The following DNAH12 variants were observed in gnomAD, a reference collection of about 807,000 sequenced individuals.
The protein encoded by DNAH12 is axonemal beta dynein heavy chain 12.
Under a neutral mutation model 371.5 loss-of-function variants are expected in DNAH12, and 285 were observed. The observed-to-expected ratio is 0.77, with a 90% confidence interval of 0.70 to 0.85. DNAH12 has a LOEUF of 0.85. Ranked by LOEUF, DNAH12 falls within the 40% of genes least tolerant of loss-of-function variation. The probability of loss-of-function intolerance (pLI) is 0.00; values close to 1 mark genes in which losing one functional copy is unlikely to be tolerated. For synonymous variants in DNAH12, 1,200 were observed against 1,213.0 expected, an observed-to-expected ratio of 0.99 and a Z score of 0.22; for missense variants, 3,611 against 3,689.4, an observed-to-expected ratio of 0.98 and a Z score of 0.55.
At chr3:57,346,438 A>G (rs968425646) in intron 60 of DNAH12, among the ~76,000 whole-genome samples, 1 of 152,172 alleles carries the variant, frequency 6.6e-6, no homozygotes, top group South Asian at 2.1e-4. Context: ...AAGTTTTTTA[A>G]AAAAGTAAGT....
At chr3:57,302,640 A>T (rs1255921143) in intron 69 of DNAH12, among the ~76,000 whole-genome samples, 1 of 124,392 alleles carries the variant, frequency 8.0e-6, no homozygotes, top group East Asian at 2.7e-4. Flanking sequence ...CAGCGGCATG[A>T]TCTCGGCTCA....
At chr3:57,530,773 A>G (rs1438563836) in intron 2 of DNAH12, 2 of 227,200 alleles carry the variant, frequency 8.8e-6, no homozygotes, top group South Asian at 8.0e-5. Context: ...TTGGAGCCCC[A>G]GGAGAAATTC....
At chr3:57,551,932 CTT>C in the DNAH12 span, among the ~76,000 whole-genome samples, 8 of 139,982 alleles carry the variant, frequency 5.7e-5, no homozygotes, top group East Asian at 4.1e-4. Context: ...AGACATTTTA[CTT>C]TTTTTTTTTT....
At chr3:57,332,886 G>A (rs552615344) in intron 62 of DNAH12, among the ~76,000 whole-genome samples, 2 of 152,240 alleles carry the variant, frequency 1.3e-5, no homozygotes, top group African/African-American at 4.8e-5. Context: ...GGCCCCAGAC[G>A]GGTGGCACTT....
chr3:57,343,419 G>A (rs2062453339), intron 60 of DNAH12, among the ~76,000 whole-genome samples: 1 of 152,240 alleles, frequency 6.6e-6, no homozygotes, highest in Non-Finnish European at 1.5e-5. Context: ...TGCAGGACTT[G>A]CCTTGTTAAC....
chr3:57,500,808 T>C (rs562959560), intron 11 of DNAH12, among the ~76,000 whole-genome samples: 2 of 152,008 alleles, frequency 1.3e-5, no homozygotes, highest in African/African-American at 4.8e-5. Flanking sequence ...CCAGCTGGAG[T>C]ACAGTGGTGC....
intron 73 of DNAH12, among the ~76,000 whole-genome samples, chr3:57,294,746 A>T (rs2061198770): frequency 6.6e-6 from 1 of 152,202 alleles, no homozygotes; most frequent in South Asian, 2.1e-4. Flanking sequence ...TAAGAAAAAC[A>T]TGTCAACTCT....
chr3:57,470,373 A>AG, intron 16 of DNAH12, 70 bp downstream of exon 16: 1 of 1,420,178 alleles, frequency 7.0e-7, no homozygotes, highest in Non-Finnish European at 9.3e-7. Flanking sequence ...AACCAAAAAA[A>AG]AAATCAATTT....
Position 57,510,829 on chromosome 3 carries a change from C to A in DNAH12, c.430G>T (p.Val144Leu). 6.2e-7 allele frequency: 1 copy of A among 1,614,026 alleles called. No homozygotes were observed. The highest frequency in any genetic ancestry group is 8.5e-7 in the Non-Finnish European group (1 of 1,180,008). ...EELLESLINE[V>L]SSDFENSMKR... ...ATGCTGTTTTCAAAGTCACTTGACACCTCATTTATGAGACTTTCAAGAAGT... is the reference window on the plus strand; with the variant it reads ...ATGCTGTTTTCAAAGTCACTTGACAACTCATTTATGAGACTTTCAAGAAGT... Residue 144 changes from valine (V) to leucine (L), a missense_variant, in exon 5 of 74, where the codon GTG becomes TTG. By Grantham distance (32) the Val-to-Leu change is conservative. Coordinates refer to ENST00000495027, the MANE Select transcript of DNAH12 (RefSeq NM_001366028.2).
At chr3:57,338,670 C>T (rs1553654883) in intron 60 of DNAH12, among the ~76,000 whole-genome samples, 1 of 147,892 alleles carries the variant, frequency 6.8e-6, no homozygotes, top group Non-Finnish European at 1.5e-5. Flanking sequence ...CCCGGCCACC[C>T]CGTCTGGGAA....
chr3:57,505,044 C>T (rs1162189948), intron 8 of DNAH12, among the ~76,000 whole-genome samples: 4 of 152,070 alleles, frequency 2.6e-5, no homozygotes, highest in African/African-American at 7.2e-5. Context: ...CAAGCTACCA[C>T]GCCTGGCTAA....
At chr3:57,477,314 G>A (rs2066567381) in intron 13 of DNAH12, among the ~76,000 whole-genome samples, 1 of 152,130 alleles carries the variant, frequency 6.6e-6, no homozygotes. Flanking sequence ...CACCCACGGA[G>A]CCTCACTCAT....
chr3:57,416,420 T>C (rs1472879373), intron 37 of DNAH12, among the ~76,000 whole-genome samples: 1 of 152,218 alleles, frequency 6.6e-6, no homozygotes, highest in East Asian at 1.9e-4. Context: ...TAATAAACTA[T>C]TATTTGAATA....
At chr3:57,341,984 T>G (rs1318528483) in intron 60 of DNAH12, among the ~76,000 whole-genome samples, 6 of 152,170 alleles carry the variant, frequency 3.9e-5, no homozygotes, top group Admixed American at 3.9e-4. Context: ...CAACTGACTT[T>G]TGACAAAGAT....
intron 40 of DNAH12, among the ~76,000 whole-genome samples, 197 bp downstream of exon 40, chr3:57,408,083 T>C (rs1340989805): frequency 1.3e-5 from 2 of 152,236 alleles, no homozygotes. Context: ...CAAAATCATA[T>C]AGCTAGGAAA....
chr3:57,305,829 T>C (rs2061458061), intron 69 of DNAH12, among the ~76,000 whole-genome samples: 1 of 152,108 alleles, frequency 6.6e-6, no homozygotes, highest in African/African-American at 2.4e-5. Flanking sequence ...TAGAAAAAAG[T>C]TGCAATTCCT....
chr3:57,545,683 A>G (rs893912142), upstream of DNAH12, among the ~76,000 whole-genome samples: 3 of 152,016 alleles, frequency 2.0e-5, no homozygotes, highest in African/African-American at 7.2e-5. Context: ...TCATCCCCAC[A>G]TAACATAAAA....
Position 57,324,833 on chromosome 3 carries a change from C to T in DNAH12, c.9979-1214G>A, listed in dbSNP as rs145003451. ...CTTTCCTAGTCAAAGAAAGGGGTGA[C>T]GGATGACACCTGGAAAATTGGGTCA... On this transcript the variant is annotated intron_variant, in intron 62 of 73. Coordinates refer to ENST00000495027, the MANE Select transcript of DNAH12 (RefSeq NM_001366028.2). Among the ~76,000 whole-genome samples, 838 of 152,298 alleles carry T rather than the reference C, an allele frequency of 5.5e-3. 10 individuals are homozygous for T. Among genetic ancestry groups the T allele is most frequent in the African/African-American group, 0.019 (805 of 41,556 alleles).
rs114090766 is a variant in DNAH12 at position 57,323,875 on chromosome 3, G to A, written c.9979-256C>T. On this transcript the variant is annotated intron_variant, in intron 62 of 73. Transcript: ENST00000495027. ...AAGTACAAATTGATCCTAAACATAT[G>A]AGGGATGCTCAATGTCACTCATTAT... Among the ~76,000 whole-genome samples, 140 of 152,252 alleles carry A rather than the reference G, an allele frequency of 9.2e-4. 1 individual carries two copies. Among genetic ancestry groups the A allele is most frequent in the African/African-American group, 3.1e-3 (130 of 41,540 alleles).
Sources: allele counts gnomAD v4.1 joint callset (sites outside exome capture counted in the v4.1 genomes callset), GRCh38; gene constraint gnomAD v4.1.1; transcripts MANE v1.5; gene names NCBI Gene and HGNC (gene_info 2026-07-23, HGNC 2026-07-21).